Variants in LHFPL3 observed in about 807,000 individuals in gnomAD.
LHFPL3 encodes LHFPL tetraspan subfamily member 3 protein.
Under a neutral mutation model 19.3 loss-of-function variants are expected in LHFPL3, and 5 were observed. The ratio of observed to expected loss-of-function variants is 0.26; its 90% confidence interval spans 0.14 to 0.54. LHFPL3 has a LOEUF of 0.54. Among genes scored for constraint, LHFPL3 ranks in the 20% least tolerant of loss-of-function variants. The pLI is 0.94. For synonymous variants in LHFPL3, 133 were observed against 126.2 expected (o/e 1.05, Z -0.36); for missense variants, 249 against 307.4 (o/e 0.81, Z 1.42).
intron 2 of LHFPL3, among the ~76,000 whole-genome samples, chr7:104,878,529 T>G (rs1467497493): frequency 6.6e-6 from 1 of 152,192 alleles, no homozygotes; most frequent in African/African-American, 2.4e-5. Flanking sequence ...GTGTTCTGAC[T>G]GCTCCACTAA....
At chr7:104,813,071 G>GCA in intron 2 of LHFPL3, among the ~76,000 whole-genome samples, 3 of 151,710 alleles carry the variant, frequency 2.0e-5, no homozygotes. Context: ...CCGAGATCAT[G>GCA]CCACTGCACT....
At chr7:104,817,477 T>C (rs903089195) in intron 2 of LHFPL3, among the ~76,000 whole-genome samples, 2 of 152,220 alleles carry the variant, frequency 1.3e-5, no homozygotes, top group South Asian at 2.1e-4. Flanking sequence ...TCCCCTTCAA[T>C]ACAGTCTCTG....
chr7:104,875,854 C>G (rs1291030463), intron 2 of LHFPL3, among the ~76,000 whole-genome samples: 1 of 152,180 alleles, frequency 6.6e-6, no homozygotes, highest in African/African-American at 2.4e-5. Flanking sequence ...GTACGTTTGC[C>G]AAATTTTTCC....
At chr7:104,423,419 C>T (rs1400144685) in intron 1 of LHFPL3, among the ~76,000 whole-genome samples, 1 of 151,862 alleles carries the variant, frequency 6.6e-6, no homozygotes, top group Non-Finnish European at 1.5e-5. Flanking sequence ...TAGAGACCAA[C>T]CTGGGCAAAA....
At chr7:104,805,225 G>A (rs1387996518) in intron 2 of LHFPL3, among the ~76,000 whole-genome samples, 1 of 152,214 alleles carries the variant, frequency 6.6e-6, no homozygotes, top group Non-Finnish European at 1.5e-5. Flanking sequence ...CAAAAGAAAG[G>A]ACATTGTTTC....
At chr7:104,637,137 T>C (rs1440440270) in intron 1 of LHFPL3, among the ~76,000 whole-genome samples, 1 of 152,244 alleles carries the variant, frequency 6.6e-6, no homozygotes, top group Non-Finnish European at 1.5e-5. Flanking sequence ...TGATTAGTGA[T>C]ATTTAGCATC....
intron 1 of LHFPL3, among the ~76,000 whole-genome samples, chr7:104,451,571 C>A (rs992524167): frequency 6.6e-6 from 1 of 151,878 alleles, no homozygotes; most frequent in Non-Finnish European, 1.5e-5. Context: ...GGTAATCATA[C>A]CACACATATC....
At chr7:104,597,742 CTAACAT>C (rs1199515060) in intron 1 of LHFPL3, among the ~76,000 whole-genome samples, 4 of 152,256 alleles carry the variant, frequency 2.6e-5, no homozygotes, top group Middle Eastern at 3.4e-3. Context: ...CTGGCTTCTG[CTAACAT>C]TACTCCCTTT....
At chr7:104,549,839 A>T (rs1794636024) in intron 1 of LHFPL3, among the ~76,000 whole-genome samples, 1 of 152,140 alleles carries the variant, frequency 6.6e-6, no homozygotes, top group Non-Finnish European at 1.5e-5. Context: ...GAGGACAGAG[A>T]TGTTAACCAA....
At chr7:104,548,941 T>C (rs1008661502) in intron 1 of LHFPL3, among the ~76,000 whole-genome samples, 1 of 152,138 alleles carries the variant, frequency 6.6e-6, no homozygotes, top group Non-Finnish European at 1.5e-5. Flanking sequence ...TTGATTGAAA[T>C]GTGTAGCCTC....
At chr7:104,884,052 C>T (rs889797189) in intron 2 of LHFPL3, among the ~76,000 whole-genome samples, 5 of 152,038 alleles carry the variant, frequency 3.3e-5, no homozygotes, top group Non-Finnish European at 5.9e-5. Context: ...ACTTTTACAG[C>T]CTCTGTAATC....
intron 1 of LHFPL3, among the ~76,000 whole-genome samples, chr7:104,696,722 AG>A (rs1388048578): frequency 6.6e-6 from 1 of 152,206 alleles, no homozygotes; most frequent in African/African-American, 2.4e-5. Context: ...GATGGCTCTG[AG>A]GATTTCTTAG....
chr7:104,768,094 T>A (rs1386852460), intron 2 of LHFPL3, among the ~76,000 whole-genome samples: 1 of 145,048 alleles, frequency 6.9e-6, no homozygotes, highest in Non-Finnish European at 1.5e-5. Flanking sequence ...AAAATACTCA[T>A]GAAAGACTGA....
intron 1 of LHFPL3, among the ~76,000 whole-genome samples, chr7:104,608,588 T>A (rs1317452606): frequency 6.6e-6 from 1 of 151,718 alleles, no homozygotes; most frequent in African/African-American, 2.4e-5. Context: ...ATGGCACATG[T>A]ATACATATGT....
intron 2 of LHFPL3, among the ~76,000 whole-genome samples, chr7:104,893,214 TA>T (rs376542156): frequency 3.5e-3 from 479 of 137,030 alleles, no homozygotes; most frequent in Middle Eastern, 7.4e-3. Context: ...ACTCTGTCTC[TA>T]AAAAAAAAAA....
chr7:104,582,789 A>C (rs895630448), intron 1 of LHFPL3, among the ~76,000 whole-genome samples: 1 of 151,900 alleles, frequency 6.6e-6, no homozygotes. Flanking sequence ...AAAAAACCCA[A>C]TATGGTTATA....
intron 1 of LHFPL3, among the ~76,000 whole-genome samples, chr7:104,339,723 G>A (rs910285878): frequency 3.9e-5 from 6 of 152,138 alleles, no homozygotes; most frequent in African/African-American, 9.7e-5. Context: ...GAATTTCCTC[G>A]TCAAGCATAC....
intron 2 of LHFPL3, among the ~76,000 whole-genome samples, chr7:104,872,863 T>C (rs1386844447): frequency 6.6e-6 from 1 of 152,198 alleles, no homozygotes; most frequent in African/African-American, 2.4e-5. Flanking sequence ...AAAATAACTA[T>C]AAACAATAAA....
At chr7:104,611,696 A>G (rs1031274084) in intron 1 of LHFPL3, among the ~76,000 whole-genome samples, 1 of 152,204 alleles carries the variant, frequency 6.6e-6, no homozygotes, top group African/African-American at 2.4e-5. Flanking sequence ...AAAGAAACAT[A>G]AAAATAAGAC....
Sources: allele counts gnomAD v4.1 joint callset (sites outside exome capture counted in the v4.1 genomes callset), GRCh38; gene constraint gnomAD v4.1.1; transcripts MANE v1.5; gene names NCBI Gene and HGNC (gene_info 2026-07-23, HGNC 2026-07-21).